Variants in TRAP1 observed in about 807,000 individuals in gnomAD.
TRAP1 encodes the protein TNF receptor associated protein 1, also known as heat shock protein 75 kDa, mitochondrial.
Under a neutral mutation model 89.1 loss-of-function variants are expected in TRAP1, and 102 were observed. The observed-to-expected ratio is 1.15, with a 90% CI of 0.98 to 1.35. The LOEUF (loss-of-function observed/expected upper bound fraction) is 1.35, where lower values mean the gene tolerates loss of function less well. Among genes scored for constraint, TRAP1 ranks in the 40% most tolerant of loss-of-function variants. The pLI is 0.00. For missense variants in TRAP1, 1,256 were observed against 945.3 expected, an observed-to-expected ratio of 1.33 and a Z score of -4.31; for synonymous variants, 508 against 388.0, an observed-to-expected ratio of 1.31 and a Z score of -3.64.
chr16:3,664,249 CCCGCCCCA>C lies in TRAP1; in HGVS notation c.1569+17_1569+24del. On this transcript the variant is annotated intron_variant, in intron 13 of 17. Transcript: ENST00000246957. The stretch of plus-strand genomic sequence containing the variant: ...CCTCCCCAGGTTGCAGCCCCCGGAG[CCCGCCCCA>C]CCCACCGCTCACCCACCTCTGTGTC... 2.6e-6 allele frequency: 4 copies of C among 1,533,992 alleles called. No individual in the cohort carries two copies. Among genetic ancestry groups the C allele is most frequent in the Non-Finnish European group, 3.5e-6 (4 of 1,141,656 alleles).
intron 1 of TRAP1, among the ~76,000 whole-genome samples, chr16:3,708,102 G>A (rs138173713): frequency 2.0e-5 from 3 of 152,216 alleles, no homozygotes; most frequent in East Asian, 1.9e-4. Context: ...GGAGGATGAG[G>A]CAGGAGTATC....
At chr16:3,673,177 G>A (rs984953589) in intron 9 of TRAP1, among the ~76,000 whole-genome samples, 10 of 152,338 alleles carry the variant, frequency 6.6e-5, no homozygotes, top group Admixed American at 6.5e-4. Context: ...CTACCTCTGT[G>A]TAGCCTAAGA....
intron 11 of TRAP1, among the ~76,000 whole-genome samples, chr16:3,667,475 ATT>A (rs2050852001): frequency 6.6e-6 from 1 of 151,518 alleles, no homozygotes; most frequent in Non-Finnish European, 1.5e-5. Context: ...AATACAAAAA[ATT>A]ACCAGGGCAT....
chr16:3,692,107 G>A (rs1337933998), intron 1 of TRAP1, among the ~76,000 whole-genome samples: 1 of 152,176 alleles, frequency 6.6e-6, no homozygotes, highest in Non-Finnish European at 1.5e-5. Flanking sequence ...AGGATATGTG[G>A]CCAGCCAGCC....
chr16:3,713,819 G>C (rs894013255), intron 1 of TRAP1, among the ~76,000 whole-genome samples: 4 of 152,246 alleles, frequency 2.6e-5, no homozygotes, highest in Non-Finnish European at 4.4e-5. Context: ...ACTTCTGACA[G>C]TTGGAGCTCT....
intron 11 of TRAP1, among the ~76,000 whole-genome samples, chr16:3,670,934 C>A (rs1692417099): frequency 6.6e-6 from 1 of 152,094 alleles, no homozygotes; most frequent in African/African-American, 2.4e-5. Flanking sequence ...TCGGTGTGGG[C>A]CTCTCGCCAT....
intron 16 of TRAP1, 147 bp from the exon 17 acceptor site, chr16:3,659,012 GATAATATC>G (rs1217209745): frequency 2.6e-6 from 2 of 764,046 alleles, no homozygotes; most frequent in East Asian, 2.8e-5. Context: ...ATCATTTATA[GATAATATC>G]ATTATATACC....
In TRAP1 at chr16:3,663,411, A is replaced by G; in HGVS notation, c.1708+13T>C. ...GAAACCAGCCCCACGCCTAGAGAGCAGGGGATGCCGACCTGGGGACCTGTC... is the reference window on the plus strand; with the variant it reads ...GAAACCAGCCCCACGCCTAGAGAGCGGGGGATGCCGACCTGGGGACCTGTC... On this transcript the variant is annotated intron_variant, in intron 14 of 17. Transcript: ENST00000246957. The G allele has an allele frequency of 6.2e-7, 1 of 1,614,012 alleles. No individual in the cohort carries two copies. The highest frequency in any genetic ancestry group is 8.5e-7 in the Non-Finnish European group (1 of 1,179,932).
chr16:3,697,481 G>T (rs560563357), intron 1 of TRAP1, among the ~76,000 whole-genome samples: 1 of 151,906 alleles, frequency 6.6e-6, no homozygotes, highest in Non-Finnish European at 1.5e-5. Flanking sequence ...TGGCTAACAC[G>T]GTGAAACCCC....
At chr16:3,680,051 A>G (rs930012538) in intron 4 of TRAP1, 20 of 383,852 alleles carry the variant, frequency 5.2e-5, no homozygotes, top group Admixed American at 1.1e-4. Flanking sequence ...CCAACATGGT[A>G]AAACCCCATC....
intron 15 of TRAP1, 180 bp downstream of exon 15, chr16:3,662,702 C>A: frequency 1.4e-6 from 1 of 704,246 alleles, no homozygotes; most frequent in Non-Finnish European, 2.6e-6. Flanking sequence ...GCCTTCCTGC[C>A]TCAGCGGCAC....
intron 16 of TRAP1, 125 bp from the exon 17 acceptor site, chr16:3,658,990 G>A: frequency 3.2e-6 from 3 of 923,190 alleles, no homozygotes; most frequent in Non-Finnish European, 5.0e-6. Flanking sequence ...TTTTAAATAA[G>A]GTATGTTAAT....
At chr16:3,669,527 C>T (rs2050881963) in intron 11 of TRAP1, among the ~76,000 whole-genome samples, 1 of 152,082 alleles carries the variant, frequency 6.6e-6, no homozygotes, top group African/African-American at 2.4e-5. Context: ...TAAGGAAATA[C>T]AGCTGCAGGT....
chr16:3,677,472 C>A, intron 6 of TRAP1, 26 bp downstream of exon 6: 1 of 1,614,108 alleles, frequency 6.2e-7, no homozygotes, highest in Non-Finnish European at 8.5e-7. Flanking sequence ...CTTTGAGCTG[C>A]CTGTCAGGCG....
chr16:3,715,561 T>G (rs2051587257), intron 1 of TRAP1, among the ~76,000 whole-genome samples: 1 of 152,132 alleles, frequency 6.6e-6, no homozygotes, highest in African/African-American at 2.4e-5. Context: ...CAAACACCTG[T>G]GGACGCGAGA....
chr16:3,708,933 A>G (rs1359039797), intron 1 of TRAP1, among the ~76,000 whole-genome samples: 3 of 150,744 alleles, frequency 2.0e-5, no homozygotes, highest in Non-Finnish European at 4.4e-5. Flanking sequence ...CTCCTGCCTC[A>G]GCTTCCCAAG....
At chr16:3,681,452 C>T (rs1156678554) in intron 4 of TRAP1, among the ~76,000 whole-genome samples, 1 of 152,186 alleles carries the variant, frequency 6.6e-6, no homozygotes, top group Non-Finnish European at 1.5e-5. Flanking sequence ...ACCACATCAC[C>T]ACCAGTTACT....
intron 4 of TRAP1, among the ~76,000 whole-genome samples, chr16:3,682,062 G>C (rs2051079600): frequency 1.3e-5 from 2 of 152,114 alleles, no homozygotes; most frequent in Admixed American, 6.6e-5. Context: ...CACAGAGAGT[G>C]TATTACTTGA....
At chr16:3,709,267 A>C (rs1420230864) in intron 1 of TRAP1, among the ~76,000 whole-genome samples, 1 of 151,932 alleles carries the variant, frequency 6.6e-6, no homozygotes, top group African/African-American at 2.4e-5. Context: ...CATTGGTTCA[A>C]GAGAAAAATG....
Sources: gnomAD v4.1 joint callset for allele counts (sites outside exome capture counted in the v4.1 genomes callset) on GRCh38, gnomAD v4.1.1 for gene constraint, MANE v1.5 for transcripts, NCBI Gene and HGNC (gene_info 2026-07-23, HGNC 2026-07-21) for gene names.